FRYL: variants seen among roughly 807,000 people sequenced by gnomAD.
FRYL encodes the protein FRY like transcription coactivator, also known as protein furry homolog-like.
FRYL carries 150 observed loss-of-function variants against 351.2 expected under a neutral mutation model. The observed-to-expected ratio is 0.43, with a 90% confidence interval of 0.37 to 0.49. FRYL has a LOEUF of 0.49. Ranked by LOEUF, FRYL falls within the 20% of genes least tolerant of loss-of-function variation. The pLI is 0.00. For missense variants in FRYL, 3,036 were observed against 3,619.3 expected (o/e 0.84, Z 4.13); for synonymous variants, 1,153 against 1,257.1 (o/e 0.92, Z 1.75).
chr4:48,652,493 T>G (rs889286619), intron 3 of FRYL, among the ~76,000 whole-genome samples: 1 of 152,226 alleles, frequency 6.6e-6, no homozygotes, highest in Non-Finnish European at 1.5e-5. Context: ...ATATTTTAAC[T>G]ATGTATATTC....
chr4:48,521,529 G>A (rs943560264), intron 54 of FRYL, among the ~76,000 whole-genome samples: 11 of 152,216 alleles, frequency 7.2e-5, no homozygotes, highest in African/African-American at 2.2e-4. Flanking sequence ...ATTCATTCAT[G>A]GAGGACGAAG....
chr4:48,624,880 A>G (rs1315746810), intron 4 of FRYL, among the ~76,000 whole-genome samples: 16 of 152,220 alleles, frequency 1.1e-4, no homozygotes, highest in Admixed American at 9.8e-4. Flanking sequence ...CATAAGTAAG[A>G]GGGAACTCCT....
intron 2 of FRYL, among the ~76,000 whole-genome samples, chr4:48,694,993 T>C (rs1159187409): frequency 6.6e-6 from 1 of 152,078 alleles, no homozygotes; most frequent in Admixed American, 6.6e-5. Flanking sequence ...GCTTGGTAGG[T>C]AGAGGCTGCA....
chr4:48,518,699 CT>C (rs1372359458), intron 55 of FRYL, among the ~76,000 whole-genome samples: 1 of 152,146 alleles, frequency 6.6e-6, no homozygotes, highest in African/African-American at 2.4e-5. Context: ...GCTGCTTCTT[CT>C]GCCTGGAACC....
At chr4:48,633,529 G>A (rs575110117) in intron 4 of FRYL, among the ~76,000 whole-genome samples, 1 of 152,046 alleles carries the variant, frequency 6.6e-6, no homozygotes, top group African/African-American at 2.4e-5. Context: ...GTACGCAAAC[G>A]AAAAATTATT....
At chr4:48,680,891 C>CT in intron 3 of FRYL, 1 of 833,064 alleles carries the variant, frequency 1.2e-6, no homozygotes, top group South Asian at 2.7e-5. Flanking sequence ...TCCTAAAATA[C>CT]TTTTTTAAAG....
At chr4:48,632,092 AT>A (rs1753189931) in intron 4 of FRYL, among the ~76,000 whole-genome samples, 19 of 9,994 alleles carry the variant, frequency 1.9e-3, no homozygotes, top group East Asian at 5.5e-3. Flanking sequence ...AAAAAAAAAA[AT>A]ATATATATAT....
At chr4:48,560,122 G>A (rs760934752) in intron 33 of FRYL, among the ~76,000 whole-genome samples, 1 of 152,068 alleles carries the variant, frequency 6.6e-6, no homozygotes, top group Non-Finnish European at 1.5e-5. Flanking sequence ...GAAAGGATGT[G>A]AGGAGCAAGA....
intron 1 of FRYL, among the ~76,000 whole-genome samples, chr4:48,762,437 T>C (rs1774513678): frequency 6.6e-6 from 1 of 152,218 alleles, no homozygotes; most frequent in African/African-American, 2.4e-5. Context: ...TGTTGCTTCT[T>C]GGCCTATTCC....
intron 3 of FRYL, among the ~76,000 whole-genome samples, chr4:48,639,237 C>G (rs1027936123): frequency 2.6e-5 from 4 of 151,996 alleles, no homozygotes; most frequent in African/African-American, 9.7e-5. Context: ...TAATCCAGAA[C>G]AGCCAGCACA....
chr4:48,587,188 C>G (rs1742272649), intron 18 of FRYL, among the ~76,000 whole-genome samples: 1 of 152,050 alleles, frequency 6.6e-6, no homozygotes, highest in South Asian at 2.1e-4. Context: ...GTCTTAGAAA[C>G]ATTCATCTCA....
intron 20 of FRYL, 106 bp from the exon 21 acceptor site, chr4:48,581,711 T>C: frequency 1.1e-6 from 1 of 883,844 alleles, no homozygotes; most frequent in Non-Finnish European, 1.7e-6. Flanking sequence ...TGACTACCGG[T>C]CTGCCTCAGC....
chr4:48,522,260 G>A (rs1180411327), intron 54 of FRYL, among the ~76,000 whole-genome samples: 1 of 152,180 alleles, frequency 6.6e-6, no homozygotes, highest in Non-Finnish European at 1.5e-5. Flanking sequence ...CAGCCTGGGT[G>A]ATGGTGTGAG....
At position 48,576,096 on chromosome 4, in the gene FRYL, A is replaced by C; in HGVS notation, c.2655T>G (p.Ser885=). ...ATSSSSTSAG[S]VRCSPPETLA... ...GCGTCTCAGGAGGAGAACATCTCAC[A>C]GAACCTGCAGATGTGGAAGATGACG... The change falls in exon 24 of 64, where the codon TCT becomes TCG. Residue 885 remains serine, a synonymous_variant. Coordinates refer to ENST00000358350, the MANE Select transcript of FRYL (RefSeq NM_015030.2). 1 of 1,613,934 alleles carries C rather than the reference A, an allele frequency of 6.2e-7. No individual in the cohort carries two copies. The highest frequency in any genetic ancestry group is 2.2e-5 in the East Asian group (1 of 44,848).
chr4:48,778,950 C>T (rs1200251647), intron 1 of FRYL, among the ~76,000 whole-genome samples: 7 of 152,022 alleles, frequency 4.6e-5, no homozygotes, highest in African/African-American at 1.7e-4. Flanking sequence ...AAGGTAAGGG[C>T]AAACTCAGCT....
At chr4:48,650,743 C>T (rs767308608) in intron 3 of FRYL, among the ~76,000 whole-genome samples, 42 of 152,196 alleles carry the variant, frequency 2.8e-4, no homozygotes, top group African/African-American at 7.7e-4. Flanking sequence ...CATGAAGAGC[C>T]AGCTTTTAAA....
chr4:48,697,914 CT>C (rs1474466409), intron 2 of FRYL, among the ~76,000 whole-genome samples: 5 of 152,232 alleles, frequency 3.3e-5, no homozygotes, highest in African/African-American at 1.2e-4. Flanking sequence ...CATTAAAGAC[CT>C]GTTAGTGATC....
At chr4:48,668,212 T>G (rs1762067673) in intron 3 of FRYL, among the ~76,000 whole-genome samples, 2 of 152,110 alleles carry the variant, frequency 1.3e-5, no homozygotes. Context: ...CCTAAAATAT[T>G]TACTATCTGG....
At chr4:48,677,845 A>T (rs1439440788) in intron 3 of FRYL, among the ~76,000 whole-genome samples, 1 of 152,222 alleles carries the variant, frequency 6.6e-6, no homozygotes, top group Non-Finnish European at 1.5e-5. Context: ...TTTTACATGA[A>T]GTCTCTCCAT....
Sources: gnomAD v4.1 joint callset for allele counts (sites outside exome capture counted in the v4.1 genomes callset) on GRCh38, gnomAD v4.1.1 for gene constraint, MANE v1.5 for transcripts, NCBI Gene and HGNC (gene_info 2026-07-23, HGNC 2026-07-21) for gene names.